Variants in CLIP2 observed in about 807,000 individuals in gnomAD.
CLIP2 encodes CAP-Gly domain containing linker protein 2.
In CLIP2, 41 loss-of-function variants were observed where a neutral mutation model predicts 111.7. The ratio of observed to expected loss-of-function variants is 0.37; its 90% confidence interval spans 0.29 to 0.48. CLIP2 has a LOEUF of 0.48. CLIP2 is among the 20% of genes least tolerant of loss of function. The pLI is 0.99. For missense variants in CLIP2, 1,160 were observed against 1,422.1 expected, an observed-to-expected ratio of 0.82 and a Z score of 2.96; for synonymous variants, 660 against 644.2, an observed-to-expected ratio of 1.02 and a Z score of -0.37.
At chr7:74,383,080 CAAAA>C (rs556644763) in intron 11 of CLIP2, among the ~76,000 whole-genome samples, 7 of 61,248 alleles carry the variant, frequency 1.1e-4, no homozygotes, top group Admixed American at 1.8e-4. Context: ...ACCCTGTCAC[CAAAA>C]AAAAAAAAAA....
chr7:74,391,831 A>G (rs2116695476), intron 13 of CLIP2, among the ~76,000 whole-genome samples: 1 of 152,054 alleles, frequency 6.6e-6, no homozygotes, highest in South Asian at 2.1e-4. Context: ...AAGAAGAAGA[A>G]GAAAAAAAAA....
chr7:74,373,441 T>G (rs1486375782), intron 9 of CLIP2, among the ~76,000 whole-genome samples: 2 of 152,122 alleles, frequency 1.3e-5, no homozygotes, highest in Admixed American at 1.3e-4. Flanking sequence ...GAGGTTGCAG[T>G]GAGCTGAGAT....
At chr7:74,379,035 A>C (rs1434201371) in intron 10 of CLIP2, among the ~76,000 whole-genome samples, 1 of 152,182 alleles carries the variant, frequency 6.6e-6, no homozygotes, top group African/African-American at 2.4e-5. Context: ...CAGGAACTGA[A>C]TTCCCTGAGC....
Position 74,376,375 on chromosome 7 carries a change from G to A in CLIP2, c.1974G>A (p.Met658Ile). The A allele has an allele frequency of 1.2e-6, 2 of 1,614,058 alleles. No homozygotes were observed. The highest frequency in any genetic ancestry group is 1.7e-6 in the Non-Finnish European group (2 of 1,180,028). ...AGGCAGTGATGGAGGGCATCAAGAT[G>A]GAGCACCAGCTGGAGCTGGGTAACT... The part of the protein sequence containing the change: ...ELKAVMEGIK[M>I]EHQLELGNLQ... The change falls in exon 10 of 17, where the codon ATG (methionine) becomes ATA (isoleucine). Residue 658 changes from methionine (M) to isoleucine (I), a missense_variant. Physicochemically the swap from Met to Ile is conservative, Grantham distance 10. This residue lies in a region of CLIP2 where 676 missense variants were observed against 777.8 expected (regional missense o/e 0.87). Transcript: ENST00000223398. The surrounding 1 kb of genome is among the most constrained non-coding windows in gnomAD (Gnocchi z 7.1).
chr7:74,371,569 G>A (rs1471655822), intron 8 of CLIP2, among the ~76,000 whole-genome samples: 1 of 147,544 alleles, frequency 6.8e-6, no homozygotes, highest in Non-Finnish European at 1.5e-5. Flanking sequence ...AAAGAGGGGA[G>A]ACAGGAAGGG....
At chr7:74,368,473 CGTCATTGCACTCCAGCCTAGGCGACA>C (rs1351454174) in intron 8 of CLIP2, among the ~76,000 whole-genome samples, 1 of 151,500 alleles carries the variant, frequency 6.6e-6, no homozygotes, top group Non-Finnish European at 1.5e-5. Flanking sequence ...GCCGAGATCG[CGTCATTGCACTCCAGCCTAGGCGACA>C]GTGCGAGACT....
At chr7:74,350,684 G>A (rs1203677063) in intron 3 of CLIP2, among the ~76,000 whole-genome samples, 7 of 151,892 alleles carry the variant, frequency 4.6e-5, no homozygotes, top group Non-Finnish European at 1.0e-4. Flanking sequence ...GGGCAACATA[G>A]TGAGCTCTCA....
At chr7:74,362,509 CT>C (rs1353249140) in intron 7 of CLIP2, among the ~76,000 whole-genome samples, 3 of 144,722 alleles carry the variant, frequency 2.1e-5, no homozygotes, top group South Asian at 2.2e-4. Flanking sequence ...AAACACAGAT[CT>C]TTTTTTCTTT....
chr7:74,298,910 G>A (rs1341222936), intron 1 of CLIP2, among the ~76,000 whole-genome samples: 4 of 152,172 alleles, frequency 2.6e-5, no homozygotes, highest in African/African-American at 4.8e-5. Context: ...CTAGGAACCC[G>A]GCATGGCACG....
intron 16 of CLIP2, 101 bp from the exon 17 acceptor site, chr7:74,403,736 C>G: frequency 8.2e-7 from 1 of 1,217,718 alleles, no homozygotes; most frequent in South Asian, 1.2e-5. Context: ...ATGCTCCTCC[C>G]CCACCCGGCC....
At chr7:74,312,098 T>G (rs1308711756) in intron 1 of CLIP2, among the ~76,000 whole-genome samples, 2 of 151,752 alleles carry the variant, frequency 1.3e-5, no homozygotes, top group Non-Finnish European at 2.9e-5. Context: ...ATACAAAAAT[T>G]AGCCAATGTG....
intron 2 of CLIP2, among the ~76,000 whole-genome samples, chr7:74,332,161 C>T (rs1412201365): frequency 6.6e-6 from 1 of 151,614 alleles, no homozygotes; most frequent in African/African-American, 2.4e-5. Context: ...GCAACCTCCG[C>T]CCCCCAGGTT....
Position 74,376,178 on chromosome 7 carries a change from G to A in CLIP2, c.1777G>A (p.Ala593Thr). The A allele has an allele frequency of 6.2e-7, 1 of 1,611,886 alleles. No individual in the cohort carries two copies. Among genetic ancestry groups the A allele is most frequent in the Non-Finnish European group, 8.5e-7 (1 of 1,179,072 alleles). ...CAACGAGAAGTACGCACAGGAGGTG[G>A]CGGGCCTGAAGGACAAGGTTCAGCA... ...AANEKYAQEV[A>T]GLKDKVQQAT... is the part of the protein sequence containing the mutation. Residue 593 changes from alanine to threonine, a missense_variant, in exon 10 of 17, where the codon GCG becomes ACG. Transcript: ENST00000223398. The surrounding 1 kb of genome is among the most constrained non-coding windows in gnomAD (Gnocchi z 7.1).
intron 2 of CLIP2, among the ~76,000 whole-genome samples, chr7:74,323,396 G>A (rs930794119): frequency 9.3e-5 from 14 of 150,980 alleles, no homozygotes; most frequent in Non-Finnish European, 2.9e-5. Flanking sequence ...ACCATGGCTG[G>A]CCTAGATATC....
chr7:74,305,855 A>ACCCCCCCCCCCCCC (rs1478628381), intron 1 of CLIP2, among the ~76,000 whole-genome samples: 12 of 52,288 alleles, frequency 2.3e-4, no homozygotes, highest in African/African-American at 7.0e-4. Flanking sequence ...CTGCACCCCA[A>ACCCCCCCCCCCCCC]CCCCCCCCCA....
intron 8 of CLIP2, among the ~76,000 whole-genome samples, chr7:74,365,830 C>T (rs1483542686): frequency 6.6e-6 from 1 of 152,190 alleles, no homozygotes; most frequent in Non-Finnish European, 1.5e-5. Flanking sequence ...TCTGGGCTCA[C>T]TGAAGCCTCC....
intron 15 of CLIP2, among the ~76,000 whole-genome samples, chr7:74,401,092 A>C (rs1791606759): frequency 6.8e-6 from 1 of 147,846 alleles, no homozygotes; most frequent in African/African-American, 2.5e-5. Context: ...TCTGTCCCGG[A>C]ACCCTGGTCT....
At position 74,314,118 on chromosome 7, in the gene CLIP2, G is replaced by A. The variant is rs575366918; in HGVS notation, c.-67-3362G>A. Among the ~76,000 whole-genome samples the A allele has an allele frequency of 5.3e-5, 8 of 151,150 alleles. No individual in the cohort carries two copies. The South Asian group carries it at 1.7e-3, about 32-fold the overall frequency. ...AATTGCTTGAAACCAGGAGATGGAG[G>A]TTGCAGTGATCCAAGATCGTGCCAC... On this transcript the variant is annotated intron_variant, in intron 1 of 16. Coordinates refer to ENST00000223398, the MANE Select transcript of CLIP2 (RefSeq NM_003388.5).
At chr7:74,372,405 G>GTT (rs1367035686) in intron 8 of CLIP2, among the ~76,000 whole-genome samples, 1 of 146,524 alleles carries the variant, frequency 6.8e-6, no homozygotes, top group Admixed American at 6.8e-5. Flanking sequence ...CAGGCCTTGG[G>GTT]GGGGGGGGGG....
Sources: allele counts gnomAD v4.1 joint callset (sites outside exome capture counted in the v4.1 genomes callset), GRCh38; gene constraint gnomAD v4.1.1; regional missense constraint gnomAD v4.1.1; non-coding constraint Gnocchi (gnomAD v3.1); transcripts MANE v1.5; gene names NCBI Gene and HGNC (gene_info 2026-07-23, HGNC 2026-07-21).